The following CRADD variants were observed in gnomAD, a reference collection of about 807,000 sequenced individuals.
CRADD encodes death domain-containing protein CRADD.
In CRADD, 9 loss-of-function variants were observed where a neutral mutation model predicts 15.5. The observed-to-expected ratio is 0.58, with a 90% CI of 0.35 to 1.01. The LOEUF (loss-of-function observed/expected upper bound fraction) is 1.01. Ranked by LOEUF, CRADD falls within the 50% of genes least tolerant of loss-of-function variation. CRADD has a pLI of 0.02. For synonymous variants in CRADD, 118 were observed against 107.6 expected (o/e 1.10, Z -0.60); for missense variants, 227 against 250.3 (o/e 0.91, Z 0.63).
At chr12:93,785,053 T>C (rs971690670) in intron 2 of CRADD, among the ~76,000 whole-genome samples, 4 of 152,124 alleles carry the variant, frequency 2.6e-5, no homozygotes, top group Admixed American at 6.5e-5. Context: ...CAGTCACATA[T>C]AGAAACATTG....
intron 2 of CRADD, among the ~76,000 whole-genome samples, chr12:93,707,126 C>T (rs1169822856): frequency 2.0e-5 from 3 of 152,166 alleles, no homozygotes; most frequent in Non-Finnish European, 4.4e-5. Context: ...AATCTCTGGG[C>T]AAAGCAGTCA....
chr12:93,691,507 G>T (rs1034414138), intron 2 of CRADD, among the ~76,000 whole-genome samples: 1 of 152,112 alleles, frequency 6.6e-6, no homozygotes, highest in African/African-American at 2.4e-5. Flanking sequence ...GCCCGCCTTG[G>T]CCTCCCAAAG....
chr12:93,687,283 A>G (rs1017105826), intron 2 of CRADD, among the ~76,000 whole-genome samples: 7 of 152,202 alleles, frequency 4.6e-5, no homozygotes, highest in African/African-American at 1.7e-4. Context: ...AATTCTGGCT[A>G]TGCCTTTTTT....
intron 2 of CRADD, among the ~76,000 whole-genome samples, chr12:93,764,701 AC>A (rs1342225850): frequency 1.3e-5 from 2 of 148,150 alleles, no homozygotes; most frequent in Non-Finnish European, 3.0e-5. Context: ...AAATTGTGGA[AC>A]GCTTTGTGGT....
At chr12:93,829,466 A>G (rs1957865102) in intron 2 of CRADD, among the ~76,000 whole-genome samples, 1 of 152,138 alleles carries the variant, frequency 6.6e-6, no homozygotes, top group South Asian at 2.1e-4. Context: ...CAGGATGAGG[A>G]TGGCTCTGGT....
At chr12:93,842,894 C>T (rs1265468387) in intron 2 of CRADD, among the ~76,000 whole-genome samples, 3 of 151,976 alleles carry the variant, frequency 2.0e-5, no homozygotes, top group African/African-American at 7.2e-5. Flanking sequence ...ATGGGGTTGT[C>T]AGTATATATT....
intron 2 of CRADD, among the ~76,000 whole-genome samples, chr12:93,838,910 GCAC>G (rs1958015486): frequency 6.6e-6 from 1 of 151,048 alleles, no homozygotes; most frequent in South Asian, 2.1e-4. Context: ...CTACAGGTGT[GCAC>G]CACCACACCT....
intron 2 of CRADD, among the ~76,000 whole-genome samples, chr12:93,750,219 G>A (rs1265974555): frequency 1.0e-5 from 1 of 100,226 alleles, no homozygotes; most frequent in African/African-American, 4.2e-5. Context: ...TTTAGTAGGC[G>A]AGTTCTTCAA....
At chr12:93,726,129 A>C (rs1592933342) in intron 2 of CRADD, among the ~76,000 whole-genome samples, 1 of 84,312 alleles carries the variant, frequency 1.2e-5, no homozygotes, top group Admixed American at 1.7e-4. Flanking sequence ...CTTGAGATGG[A>C]GTTTCACTTT....
rs547660118 is a variant in CRADD at position 93,858,615 on chromosome 12, G to A, written c.299-35435G>A. ...GTCTCTCTCTGACCTTCTGCTGCCCGCTCTGTCTCTCACCCCTCATTCTCC... is the reference window on the plus strand; with the variant it reads ...GTCTCTCTCTGACCTTCTGCTGCCCACTCTGTCTCTCACCCCTCATTCTCC... On this transcript the variant is annotated intron_variant, in intron 2 of 2. Coordinates refer to the CRADD transcript ENST00000548483. Among the ~76,000 whole-genome samples the A allele has an allele frequency of 3.3e-5, 5 of 152,256 alleles. No individual in the cohort carries two copies. The South Asian group carries it at 8.3e-4, about 25-fold the overall frequency.
At chr12:93,805,179 C>G (rs1351834012) in intron 2 of CRADD, among the ~76,000 whole-genome samples, 2 of 151,746 alleles carry the variant, frequency 1.3e-5, no homozygotes, top group Non-Finnish European at 2.9e-5. Context: ...ATCATGTTGC[C>G]TTTGTACATA....
chr12:93,741,316 G>A (rs535006819), intron 2 of CRADD, among the ~76,000 whole-genome samples: 11 of 152,232 alleles, frequency 7.2e-5, no homozygotes, highest in Middle Eastern at 3.4e-3. Flanking sequence ...CCCATCTTGT[G>A]CTCCTAAATT....
chr12:93,881,149 C>T (rs1195158903), intron 2 of CRADD, among the ~76,000 whole-genome samples: 1 of 152,164 alleles, frequency 6.6e-6, no homozygotes, highest in Non-Finnish European at 1.5e-5. Context: ...ATCTCTGTGA[C>T]AACATCTATG....
intron 2 of CRADD, among the ~76,000 whole-genome samples, chr12:93,762,849 GC>G (rs1256182644): frequency 6.6e-6 from 1 of 151,988 alleles, no homozygotes; most frequent in East Asian, 1.9e-4. Flanking sequence ...GAACAGGTAA[GC>G]TAAATAAAAC....
At chr12:93,813,980 C>T (rs991804871) in intron 2 of CRADD, among the ~76,000 whole-genome samples, 1 of 152,170 alleles carries the variant, frequency 6.6e-6, no homozygotes, top group Non-Finnish European at 1.5e-5. Flanking sequence ...AGATATTGCT[C>T]CTAGACCAAA....
intron 2 of CRADD, among the ~76,000 whole-genome samples, chr12:93,690,059 A>T (rs1448467513): frequency 6.6e-6 from 1 of 152,190 alleles, no homozygotes; most frequent in African/African-American, 2.4e-5. Flanking sequence ...ACTTTGAAGG[A>T]ATGATAAAGG....
At chr12:93,797,126 C>T (rs11107191) in intron 2 of CRADD, among the ~76,000 whole-genome samples, 15,577 of 152,038 alleles carry the variant, frequency 0.1, 948 homozygotes, top group Admixed American at 0.2. Context: ...TGAGTGCTTG[C>T]GGAAGAAAAG....
At position 93,827,438 on chromosome 12, in the gene CRADD, A is replaced by T. The variant is rs1957836689; in HGVS notation, c.299-22532A>T. Reference sequence around the variant, plus strand: ...TAGGACAGTATTTCATTTTGCAGATATGCCATAGTTTGTTTATGCATTCAC... The same window carrying T: ...TAGGACAGTATTTCATTTTGCAGATTTGCCATAGTTTGTTTATGCATTCAC... On this transcript the variant is annotated intron_variant, in intron 2 of 2. Coordinates refer to ENST00000332896, the MANE Select transcript of CRADD (RefSeq NM_003805.5). Among the ~76,000 whole-genome samples the T allele has an allele frequency of 2.0e-5, 3 of 152,214 alleles. No homozygotes were observed. The South Asian group carries it at 6.2e-4, about 32-fold the overall frequency.
intron 2 of CRADD, among the ~76,000 whole-genome samples, chr12:93,751,221 A>G (rs1956825317): frequency 1.3e-5 from 2 of 152,344 alleles, no homozygotes; most frequent in South Asian, 4.1e-4. Flanking sequence ...TACAAAGCAC[A>G]GATCACAAAA....
Sources: gnomAD v4.1 joint callset for allele counts (sites outside exome capture counted in the v4.1 genomes callset) on GRCh38, gnomAD v4.1.1 for gene constraint, MANE v1.5 for transcripts, NCBI Gene and HGNC (gene_info 2026-07-23, HGNC 2026-07-21) for gene names.